Variants in KHDRBS2 observed in about 807,000 individuals in gnomAD.
KHDRBS2 encodes the protein KH RNA binding domain containing, signal transduction associated 2.
In KHDRBS2, 26 loss-of-function variants were observed where a neutral mutation model predicts 44.3. The observed-to-expected ratio is 0.59, with a 90% CI of 0.43 to 0.81. The LOEUF is 0.81. KHDRBS2 is among the 40% of genes least tolerant of loss of function. The probability of loss-of-function intolerance (pLI) is 0.00; values close to 1 mark genes in which losing one functional copy is unlikely to be tolerated. For missense variants in KHDRBS2, 476 were observed against 433.1 expected (o/e 1.10, Z -0.88); for synonymous variants, 194 against 151.1 (o/e 1.28, Z -2.08).
At chr6:61,665,055 C>T in the KHDRBS2 span, among the ~76,000 whole-genome samples, 1 of 151,308 alleles carries the variant, frequency 6.6e-6, no homozygotes. Context: ...TAATTCATGT[C>T]TAGTCTATTT....
At chr6:62,165,742 C>T (rs2150115172) in intron 2 of KHDRBS2, among the ~76,000 whole-genome samples, 1 of 151,826 alleles carries the variant, frequency 6.6e-6, no homozygotes, top group South Asian at 2.1e-4. Context: ...TCTATATTAC[C>T]TAGGTTGGAC....
At chr6:62,246,291 A>AGG (rs1835564192) in intron 1 of KHDRBS2, among the ~76,000 whole-genome samples, 1 of 151,838 alleles carries the variant, frequency 6.6e-6, no homozygotes, top group South Asian at 2.1e-4. Flanking sequence ...TAAAGTAGTC[A>AGG]GCAAATTATA....
At chr6:62,085,000 C>T (rs1042535281) in intron 2 of KHDRBS2, among the ~76,000 whole-genome samples, 2 of 152,036 alleles carry the variant, frequency 1.3e-5, no homozygotes, top group Non-Finnish European at 2.9e-5. Context: ...GCAGGCAAAA[C>T]TGAAACATCT....
chr6:61,961,666 TAAG>T (rs1768760614), intron 4 of KHDRBS2, among the ~76,000 whole-genome samples: 1 of 151,990 alleles, frequency 6.6e-6, no homozygotes, highest in South Asian at 2.1e-4. Flanking sequence ...TCAAAGACCC[TAAG>T]GAGAGAGCAA....
At chr6:62,205,237 C>A (rs1323800989) in intron 1 of KHDRBS2, among the ~76,000 whole-genome samples, 2 of 152,060 alleles carry the variant, frequency 1.3e-5, no homozygotes, top group African/African-American at 4.8e-5. Flanking sequence ...TAAAGTCTTT[C>A]ATTAATGACC....
At chr6:61,891,758 A>T (rs1453769505) in intron 6 of KHDRBS2, among the ~76,000 whole-genome samples, 1 of 152,200 alleles carries the variant, frequency 6.6e-6, no homozygotes, top group South Asian at 2.1e-4. Flanking sequence ...TCTCAAAATA[A>T]TAAGACCTGT....
At chr6:61,873,125 A>T (rs527244617) in intron 6 of KHDRBS2, among the ~76,000 whole-genome samples, 2 of 152,128 alleles carry the variant, frequency 1.3e-5, no homozygotes, top group African/African-American at 4.8e-5. Context: ...TTTCTTACAT[A>T]AGACATAAAA....
At chr6:62,208,416 A>G (rs2150143146) in intron 1 of KHDRBS2, among the ~76,000 whole-genome samples, 1 of 152,258 alleles carries the variant, frequency 6.6e-6, no homozygotes, top group South Asian at 2.1e-4. Context: ...TAAAAGTGAA[A>G]AACAACAGTA....
the KHDRBS2 span, among the ~76,000 whole-genome samples, chr6:61,576,588 T>A: frequency 6.6e-6 from 1 of 152,150 alleles, no homozygotes; most frequent in African/African-American, 2.4e-5. Flanking sequence ...AGATGTTTTG[T>A]TCACAAATTT....
At chr6:61,553,966 T>C in the KHDRBS2 span, among the ~76,000 whole-genome samples, 1 of 152,172 alleles carries the variant, frequency 6.6e-6, no homozygotes, top group Non-Finnish European at 1.5e-5. Flanking sequence ...ATGCAAAGAA[T>C]GTATATTCTC....
intron 7 of KHDRBS2, among the ~76,000 whole-genome samples, chr6:61,725,707 A>G (rs1340461800): frequency 1.3e-5 from 2 of 152,198 alleles, no homozygotes; most frequent in Non-Finnish European, 2.9e-5. Flanking sequence ...AAATGCATAA[A>G]TTCCTGGACA....
At chr6:62,081,214 T>C (rs1400691442) in intron 2 of KHDRBS2, among the ~76,000 whole-genome samples, 2 of 152,152 alleles carry the variant, frequency 1.3e-5, no homozygotes, top group Non-Finnish European at 2.9e-5. Flanking sequence ...GTCACATTTA[T>C]ACAGAAATGT....
chr6:61,658,909 G>A, the KHDRBS2 span, among the ~76,000 whole-genome samples: 1 of 151,732 alleles, frequency 6.6e-6, no homozygotes, highest in Non-Finnish European at 1.5e-5. Context: ...TTGAAAATAC[G>A]ACAAGGAATT....
At chr6:61,747,999 A>G (rs1777105628) in intron 6 of KHDRBS2, among the ~76,000 whole-genome samples, 1 of 152,036 alleles carries the variant, frequency 6.6e-6, no homozygotes. Context: ...GATCCTTAAT[A>G]TTCTTTTTTG....
At chr6:62,023,081 A>G (rs969884637) in intron 3 of KHDRBS2, among the ~76,000 whole-genome samples, 2 of 151,760 alleles carry the variant, frequency 1.3e-5, no homozygotes, top group Non-Finnish European at 3.0e-5. Context: ...GAAAAAACGC[A>G]ATACCTTAAA....
intron 1 of KHDRBS2, among the ~76,000 whole-genome samples, chr6:62,180,175 C>T (rs1271415505): frequency 1.3e-5 from 2 of 151,816 alleles, no homozygotes; most frequent in South Asian, 2.1e-4. Context: ...TTCTATTCAA[C>T]GTACTACTGG....
chr6:62,085,135 G>C (rs994279966), intron 2 of KHDRBS2, among the ~76,000 whole-genome samples: 2 of 152,028 alleles, frequency 1.3e-5, no homozygotes, highest in African/African-American at 4.8e-5. Context: ...CTGATATTAA[G>C]AACTGATTAT....
At chr6:61,999,501 C>A (rs889750652) in intron 3 of KHDRBS2, among the ~76,000 whole-genome samples, 7 of 152,006 alleles carry the variant, frequency 4.6e-5, no homozygotes, top group Non-Finnish European at 1.5e-5. Flanking sequence ...TTTGGGTATA[C>A]CAAAAACACA....
downstream of KHDRBS2, among the ~76,000 whole-genome samples, chr6:61,679,529 C>T (rs998611673): frequency 6.6e-6 from 1 of 151,902 alleles, no homozygotes; most frequent in Non-Finnish European, 1.5e-5. Context: ...TCCTTTGAGT[C>T]CTGCGACATA....
Sources: allele counts gnomAD v4.1 joint callset (sites outside exome capture counted in the v4.1 genomes callset), GRCh38; gene constraint gnomAD v4.1.1; transcripts MANE v1.5; gene names NCBI Gene and HGNC (gene_info 2026-07-23, HGNC 2026-07-21).